GRIPAP1: variants seen among roughly 807,000 people sequenced by gnomAD.
The protein encoded by GRIPAP1 is GRIP1-associated protein 1.
GRIPAP1 carries 14 observed loss-of-function variants against 84.1 expected under a neutral mutation model. The ratio of observed to expected loss-of-function variants is 0.17; its 90% confidence interval spans 0.11 to 0.26. The LOEUF (loss-of-function observed/expected upper bound fraction) is 0.26. Ranked by LOEUF, GRIPAP1 falls within the 10% of genes least tolerant of loss-of-function variation. The pLI, the probability that GRIPAP1 is intolerant of heterozygous loss-of-function variation, is 1.00. For synonymous variants in GRIPAP1, 261 were observed against 256.8 expected (o/e 1.02, Z -0.15); for missense variants, 518 against 674.2 (o/e 0.77, Z 2.57).
chrX:48,981,546 T>C, intron 19 of GRIPAP1, 50 bp downstream of exon 19: 6 of 1,163,842 alleles, frequency 5.2e-6, no homozygotes, highest in Non-Finnish European at 7.0e-6. Flanking sequence ...CTGCCCCTCC[T>C]GTACGCTGAG....
At chrX:48,980,957 AAG>A (rs1398745345) in intron 21 of GRIPAP1, 15 of 397,769 alleles carry the variant, frequency 3.8e-5, no homozygotes, top group African/African-American at 3.0e-4. Context: ...ACATAGAGGA[AAG>A]AGAGAGAACA....
intron 14 of GRIPAP1, among the ~76,000 whole-genome samples, chrX:48,984,642 G>C (rs1372527962): frequency 9.8e-6 from 1 of 101,905 alleles, no homozygotes; most frequent in East Asian, 3.1e-4. Flanking sequence ...TTGAACCCAG[G>C]AGGCGGAGGT....
Position 48,986,917 on chromosome X carries a change from C to T in GRIPAP1, c.1041+868G>A, listed in dbSNP as rs1382685351. On this transcript the variant is annotated intron_variant, in intron 13 of 25. Transcript: ENST00000376423. ...AGGCTTGAGTGCAATGGCACGATCT[C>T]GGCTCACCGCACACTCCACCTCCTG... Among the ~76,000 whole-genome samples, 9 of 110,641 alleles carry T rather than the reference C, an allele frequency of 8.1e-5. No individual in the cohort carries two copies. In the East Asian group the frequency reaches 1.7e-3, roughly 21 times the overall value.
chrX:49,002,204 T>C lies in GRIPAP1; in HGVS notation c.26A>G (p.Glu9Gly), dbSNP rs782574575. Residue 9 changes from glutamate to glycine, a missense_variant, in exon 1 of 26, where the codon GAG becomes GGG. Around this residue, in one of 5 missense-constraint regions of GRIPAP1, gnomAD observed 372 missense variants for 458.1 expected, o/e 0.81. Coordinates refer to ENST00000376423, the MANE Select transcript of GRIPAP1 (RefSeq NM_020137.5). MAQALSEE[E>G]FQRMQAQLLE... The stretch of plus-strand genomic sequence containing the variant: ...GAGCGGCACCTGCATCCGCTGAAAC[T>C]CCTCCTCAGACAGAGCTTGCGCCAT... 2 of 1,172,898 alleles carry C rather than the reference T, an allele frequency of 1.7e-6. No homozygotes were observed. The highest frequency in any genetic ancestry group is 2.3e-5 in the Admixed American group (1 of 44,191).
intron 7 of GRIPAP1, 89 bp from the exon 8 acceptor site, chrX:48,990,821 A>G: frequency 9.7e-7 from 1 of 1,031,091 alleles, no homozygotes; most frequent in South Asian, 2.0e-5. Context: ...TCACCCCATC[A>G]GCCCACAAGA....
intron 14 of GRIPAP1, 47 bp downstream of exon 14, chrX:48,985,221 C>A: frequency 8.7e-7 from 1 of 1,147,159 alleles, no homozygotes; most frequent in South Asian, 1.8e-5. Flanking sequence ...TTCACTGGGC[C>A]ATTACTAGGG....
intron 11 of GRIPAP1, among the ~76,000 whole-genome samples, chrX:48,989,318 C>G (rs2064508064): frequency 9.0e-6 from 1 of 111,337 alleles, no homozygotes; most frequent in African/African-American, 3.3e-5. Flanking sequence ...CCCTAGTGAC[C>G]ACAGATTCAT....
In GRIPAP1 at chrX:48,991,049, C is replaced by T. The variant is rs782475867; in HGVS notation, c.519G>A (p.Gly173=). The T allele has an allele frequency of 3.3e-6, 4 of 1,201,137 alleles. No individual in the cohort carries two copies. In the East Asian group the frequency reaches 1.2e-4, roughly 36 times the overall value. Residue 173 remains glycine (G), a synonymous_variant, in exon 7 of 26, where the codon GGG becomes GGA. Coordinates refer to ENST00000376423, the MANE Select transcript of GRIPAP1 (RefSeq NM_020137.5). ...TGGGGGCCAGGCCCCCTGGGGGATCCCCCTGGCCCTCACTGACAGCTGAGA... is the reference window on the plus strand; with the variant it reads ...TGGGGGCCAGGCCCCCTGGGGGATCTCCCTGGCCCTCACTGACAGCTGAGA... ...GKFSAVSEGQ[G]DPPGGLAPTV...
chrX:48,991,369 T>C (rs1300239522), intron 6 of GRIPAP1: 2 of 334,800 alleles, frequency 6.0e-6, no homozygotes, highest in East Asian at 5.2e-5. Context: ...AACCTTGACC[T>C]CCTGGGCTCA....
chrX:48,975,125 C>G, intron 25 of GRIPAP1, 30 bp downstream of exon 25: 1 of 1,192,599 alleles, frequency 8.4e-7, no homozygotes, highest in Non-Finnish European at 1.1e-6. Flanking sequence ...GCTGGGTGAA[C>G]AGATGGGTAG....
intron 7 of GRIPAP1, 73 bp downstream of exon 7, chrX:48,990,853 C>A (rs140680685): frequency 9.7e-7 from 1 of 1,027,065 alleles, no homozygotes; most frequent in Admixed American, 2.4e-5. Context: ...CAGCCATCTC[C>A]GTGGGACTAT....
At position 48,986,642 on chromosome X, in the gene GRIPAP1, G is replaced by A. The variant is rs190758909; in HGVS notation, c.1041+1143C>T. ...ACTCCGAACCCCAGGTGATCCGCCC[G>A]TCTCAGCCTTCCAAAGTGCTGGGAT... On this transcript the variant is annotated intron_variant, in intron 13 of 25. Coordinates refer to ENST00000376423, the MANE Select transcript of GRIPAP1 (RefSeq NM_020137.5). Among the ~76,000 whole-genome samples, 26 of 108,771 alleles carry A rather than the reference G, an allele frequency of 2.4e-4. No individual in the cohort carries two copies. In the East Asian group the frequency reaches 6.6e-3, roughly 28 times the overall value. The allele number at this position is 108,771 out of a possible 115,157, so 94.5% of individuals were successfully genotyped here.
At chrX:48,978,464 G>A (rs1557061111) in intron 21 of GRIPAP1, 29 bp from the exon 22 acceptor site, 2 of 1,154,620 alleles carry the variant, frequency 1.7e-6, no homozygotes, top group South Asian at 2.0e-5. Context: ...AGAAACTTGA[G>A]CCCCAATACC....
Position 48,978,454 on chromosome X carries a change from AG to A in GRIPAP1, c.1931-20del. 1 of 1,178,796 alleles carries A rather than the reference AG, an allele frequency of 8.5e-7. No homozygotes were observed. The highest frequency in any genetic ancestry group is 1.1e-6 in the Non-Finnish European group (1 of 875,642). ...TCAAGGCCTGGGTGGTGGAGGGAAG[AG>A]AAACTTGAGCCCCAATACCCCTGAG... On this transcript the variant is annotated intron_variant, in intron 21 of 25. Coordinates refer to ENST00000376423, the MANE Select transcript of GRIPAP1 (RefSeq NM_020137.5).
At chrX:48,981,177 C>T in intron 21 of GRIPAP1, 38 bp downstream of exon 21, 1 of 1,094,060 alleles carries the variant, frequency 9.1e-7, no homozygotes, top group Non-Finnish European at 1.3e-6. Context: ...CCTACCTCCC[C>T]CATGCCTCAG....
chrX:48,981,408 T>C lies in GRIPAP1; in HGVS notation c.1830+8A>G, dbSNP rs782628333. 14 of 1,209,202 alleles carry C rather than the reference T, an allele frequency of 1.2e-5. No individual in the cohort carries two copies. In the East Asian group the frequency reaches 3.3e-4, roughly 28 times the overall value. On this transcript the variant is annotated splice_region_variant and intron_variant, in intron 20 of 25. Coordinates refer to ENST00000376423, the MANE Select transcript of GRIPAP1 (RefSeq NM_020137.5). ...AGGGAGCCGTGCTTGGGCACCGCTCTGTCTTACCGCAGCACTGCCCTTCTT... is the reference window on the plus strand; with the variant it reads ...AGGGAGCCGTGCTTGGGCACCGCTCCGTCTTACCGCAGCACTGCCCTTCTT...
At position 48,974,238 on chromosome X, in the gene GRIPAP1, G is replaced by A. The variant is rs148441537; in HGVS notation, c.2481C>T (p.Cys827=). Residue 827 remains cysteine, a synonymous_variant, in exon 26 of 26, where the codon TGC becomes TGT. Transcript: ENST00000376423. ...CTAGGTCTGGGTCAGGAGGCCCCAC[G>A]CACTCCTTGCTGAGCCGCACAATTT... ...SQEIVRLSKE[C]VGPPDPDLEP... 4.0e-5 allele frequency: 48 copies of A among 1,206,057 alleles called. No individual in the cohort carries two copies. Among genetic ancestry groups the A allele is most frequent in the African/African-American group, 3.0e-4 (17 of 57,106 alleles).
At chrX:48,984,646 C>T (rs181124023) in intron 14 of GRIPAP1, among the ~76,000 whole-genome samples, 6 of 91,667 alleles carry the variant, frequency 6.5e-5, no homozygotes, top group African/African-American at 8.4e-5. Flanking sequence ...ACCCAGGAGG[C>T]GGAGGTTGCA....
chrX:48,978,097 A>T, intron 22 of GRIPAP1: 1 of 391,097 alleles, frequency 2.6e-6, no homozygotes, highest in South Asian at 4.8e-5. Flanking sequence ...ACAGATGATT[A>T]AACAGAAAGT....
Sources: gnomAD v4.1 joint callset for allele counts (sites outside exome capture counted in the v4.1 genomes callset) on GRCh38, gnomAD v4.1.1 for gene constraint, gnomAD v4.1.1 regional missense constraint, MANE v1.5 for transcripts, NCBI Gene and HGNC (gene_info 2026-07-23, HGNC 2026-07-21) for gene names.